The following ENPP3 variants were observed in gnomAD, a reference collection of about 807,000 sequenced individuals.
ENPP3 encodes the protein ectonucleotide pyrophosphatase/phosphodiesterase 3, also known as ectonucleotide pyrophosphatase/phosphodiesterase family member 3.
ENPP3 carries 104 observed loss-of-function variants against 117.8 expected under a neutral mutation model. That is an observed-to-expected ratio of 0.88 (90% CI 0.75 to 1.04). ENPP3 has a LOEUF of 1.04. Ranked by LOEUF, ENPP3 falls within the 50% of genes least tolerant of loss-of-function variation. The pLI is 0.00. For missense variants in ENPP3, 1,026 were observed against 1,051.9 expected, an observed-to-expected ratio of 0.98 and a Z score of 0.34; for synonymous variants, 380 against 349.9, an observed-to-expected ratio of 1.09 and a Z score of -0.96.
intron 15 of ENPP3, among the ~76,000 whole-genome samples, chr6:131,697,063 G>T (rs1293728757): frequency 6.6e-6 from 1 of 152,176 alleles, no homozygotes; most frequent in Non-Finnish European, 1.5e-5. Context: ...CACCGTGCCG[G>T]CCTGAGCACC....
At chr6:131,745,837 G>A (rs548362499) in intron 24 of ENPP3, among the ~76,000 whole-genome samples, 8 of 152,172 alleles carry the variant, frequency 5.3e-5, no homozygotes, top group Admixed American at 2.6e-4. Flanking sequence ...GAATGTACTC[G>A]GCCGGGTGCG....
Position 131,668,495 on chromosome 6 carries a change from G to A in ENPP3, c.563-2753G>A, listed in dbSNP as rs72999295. Among the ~76,000 whole-genome samples the A allele has an allele frequency of 1.5e-3, 232 of 152,164 alleles. 1 individual carries two copies. Among genetic ancestry groups the A allele is most frequent in the Non-Finnish European group, 2.8e-3 (192 of 68,024 alleles). On this transcript the variant is annotated intron_variant, in intron 6 of 24. Coordinates refer to ENST00000357639, the MANE Select transcript of ENPP3 (RefSeq NM_005021.5). Reference sequence around the variant, plus strand: ...CTCCCAAAATCCTGGGATTACAGACGTGAGCACCGTGCCCGGCCTACATTG... The same window carrying A: ...CTCCCAAAATCCTGGGATTACAGACATGAGCACCGTGCCCGGCCTACATTG...
chr6:131,687,513 C>A (rs548645560), intron 14 of ENPP3, among the ~76,000 whole-genome samples: 13 of 152,128 alleles, frequency 8.5e-5, no homozygotes, highest in South Asian at 4.1e-4. Context: ...ATAGGTGAGA[C>A]CTAATTAAAC....
intron 7 of ENPP3, among the ~76,000 whole-genome samples, chr6:131,673,529 G>A (rs553858698): frequency 1.3e-5 from 2 of 152,118 alleles, no homozygotes; most frequent in Non-Finnish European, 2.9e-5. Flanking sequence ...TGAGGCAGGA[G>A]GGTGGGAGGA....
intron 2 of ENPP3, among the ~76,000 whole-genome samples, chr6:131,648,911 A>T (rs1245682457): frequency 6.6e-6 from 1 of 152,150 alleles, no homozygotes; most frequent in Non-Finnish European, 1.5e-5. Flanking sequence ...TCTTTAGTTT[A>T]TGTCTCTCTT....
At chr6:131,739,206 G>A (rs1486628906) in intron 23 of ENPP3, among the ~76,000 whole-genome samples, 1 of 152,178 alleles carries the variant, frequency 6.6e-6, no homozygotes, top group Non-Finnish European at 1.5e-5. Context: ...CTGAGTCCAT[G>A]TTCTAAATCA....
chr6:131,673,633 C>A (rs961252299), intron 7 of ENPP3, among the ~76,000 whole-genome samples: 7 of 151,752 alleles, frequency 4.6e-5, no homozygotes, highest in Non-Finnish European at 5.9e-5. Flanking sequence ...ACATGTTTAC[C>A]TAGGTAACAA....
intron 5 of ENPP3, among the ~76,000 whole-genome samples, chr6:131,654,504 G>A (rs1431957971): frequency 2.6e-5 from 4 of 151,528 alleles, no homozygotes; most frequent in South Asian, 2.1e-4. Flanking sequence ...GTGCAGTGGC[G>A]TGATCATGAC....
At chr6:131,732,637 T>G (rs1002003363) in intron 20 of ENPP3, among the ~76,000 whole-genome samples, 4 of 151,258 alleles carry the variant, frequency 2.6e-5, no homozygotes, top group Non-Finnish European at 5.9e-5. Context: ...ACTCTTGACC[T>G]CCAGTGATCC....
intron 23 of ENPP3, among the ~76,000 whole-genome samples, chr6:131,739,731 T>G (rs1780485553): frequency 6.6e-6 from 1 of 151,816 alleles, no homozygotes; most frequent in Non-Finnish European, 1.5e-5. Context: ...TATTTATTAC[T>G]TTCTTTTACT....
At chr6:131,733,965 G>C (rs1780342521) in intron 21 of ENPP3, among the ~76,000 whole-genome samples, 1 of 152,084 alleles carries the variant, frequency 6.6e-6, no homozygotes, top group South Asian at 2.1e-4. Context: ...GAGTTCGGCA[G>C]GTTTAAGTTT....
At chr6:131,738,689 G>A (rs1318080271) in intron 23 of ENPP3, among the ~76,000 whole-genome samples, 1 of 152,124 alleles carries the variant, frequency 6.6e-6, no homozygotes. Context: ...ATTAAGCCTG[G>A]TCATAACAGG....
Position 131,652,648 on chromosome 6 carries a change from C to CTTA in ENPP3, c.385_386insTAT (p.Asp128_Tyr129insLeu). On this transcript the variant is annotated inframe_insertion, in exon 4 of 25. Transcript: ENST00000357639. ...TGCAGAGGAAAGATTGCTGTGCTGA[C>CTTA]TATAAGAGTGTTTGCCAAGGTGAGC... is the stretch of plus-strand genomic sequence containing the variant. 1 of 1,614,062 alleles carries CTTA rather than the reference C, an allele frequency of 6.2e-7. No homozygotes were observed. The highest frequency in any genetic ancestry group is 8.5e-7 in the Non-Finnish European group (1 of 1,179,982).
chr6:131,688,584 G>A (rs543214929), intron 14 of ENPP3, among the ~76,000 whole-genome samples: 1 of 152,292 alleles, frequency 6.6e-6, no homozygotes, highest in African/African-American at 2.4e-5. Flanking sequence ...CTGACATGGA[G>A]AAAGTTTTAG....
chr6:131,725,938 TATA>T (rs1780144667), intron 19 of ENPP3, 105 bp from the exon 20 acceptor site: 1 of 628,860 alleles, frequency 1.6e-6, no homozygotes, highest in East Asian at 2.7e-5. Context: ...GTACTTGTCA[TATA>T]ATAAGCCATA....
chr6:131,742,220 T>C (rs1433372222), intron 24 of ENPP3, among the ~76,000 whole-genome samples: 1 of 152,156 alleles, frequency 6.6e-6, no homozygotes. Context: ...CCTTCCTACT[T>C]TTTCTGTCAG....
At chr6:131,696,735 AC>A (rs1258915299) in intron 15 of ENPP3, among the ~76,000 whole-genome samples, 1 of 148,300 alleles carries the variant, frequency 6.7e-6, no homozygotes, top group Non-Finnish European at 1.5e-5. Context: ...CTTCAAAGGC[AC>A]CTTTTTTTCT....
At chr6:131,638,345 C>T in intron 1 of ENPP3, 1 of 234,870 alleles carries the variant, frequency 4.3e-6, no homozygotes, top group South Asian at 4.5e-5. Flanking sequence ...TATCTTTATT[C>T]TCATGAAAAT....
chr6:131,736,455 A>G (rs1780399180), intron 21 of ENPP3, among the ~76,000 whole-genome samples: 1 of 152,168 alleles, frequency 6.6e-6, no homozygotes, highest in African/African-American at 2.4e-5. Flanking sequence ...TCCTCTTTAT[A>G]AAACTATCAG....
Sources: allele counts gnomAD v4.1 joint callset (sites outside exome capture counted in the v4.1 genomes callset), GRCh38; gene constraint gnomAD v4.1.1; transcripts MANE v1.5; gene names NCBI Gene and HGNC (gene_info 2026-07-23, HGNC 2026-07-21).